The following ANKAR variants were observed in gnomAD, a reference collection of about 807,000 sequenced individuals.
ANKAR encodes the protein ankyrin and armadillo repeat containing.
ANKAR carries 136 observed loss-of-function variants against 146.2 expected under a neutral mutation model. That is an observed-to-expected ratio of 0.93 (90% CI 0.81 to 1.07). The LOEUF (loss-of-function observed/expected upper bound fraction) is 1.07. ANKAR is among the 50% of genes least tolerant of loss of function. The pLI is 0.00. For synonymous variants in ANKAR, 500 were observed against 575.8 expected, an observed-to-expected ratio of 0.87 and a Z score of 1.88; for missense variants, 1,567 against 1,679.9, an observed-to-expected ratio of 0.93 and a Z score of 1.18.
intron 18 of ANKAR, chr2:189,752,572 A>T (rs1354967137): frequency 7.4e-7 from 1 of 1,350,566 alleles, no homozygotes; most frequent in Non-Finnish European, 1.0e-6. Flanking sequence ...ATGTCAATGA[A>T]AACCTCATAT....
chr2:189,762,727 T>C (rs768853746), downstream of ANKAR: 19 of 985,328 alleles, frequency 1.9e-5, no homozygotes, highest in East Asian at 3.4e-4. Flanking sequence ...CTCCTTTCCC[T>C]ACTAAAGACT....
At chr2:189,694,286 C>G (rs1428205629) in intron 5 of ANKAR, among the ~76,000 whole-genome samples, 3 of 152,182 alleles carry the variant, frequency 2.0e-5, no homozygotes, top group Non-Finnish European at 4.4e-5. Context: ...AGGAGAAACC[C>G]AGGTAATATT....
chr2:189,754,620 T>C, intron 18 of ANKAR: 1 of 395,174 alleles, frequency 2.5e-6, no homozygotes, highest in Non-Finnish European at 4.5e-6. Context: ...CAATAACTGC[T>C]TAATGATGAA....
intron 14 of ANKAR, 51 bp from the exon 15 acceptor site, chr2:189,728,609 G>A (rs1213623170): frequency 6.3e-7 from 1 of 1,587,578 alleles, no homozygotes; most frequent in Non-Finnish European, 8.6e-7. Flanking sequence ...TCTGCATAAT[G>A]TAGAACAGGG....
At position 189,707,154 on chromosome 2, in the gene ANKAR, T is replaced by C. The variant is rs1358465597; in HGVS notation, c.2119+8T>C. The C allele has an allele frequency of 2.8e-6, 4 of 1,427,242 alleles. No individual in the cohort carries two copies. In the South Asian group the frequency reaches 5.8e-5, roughly 21 times the overall value. 88.4% of individuals were successfully genotyped at this position (1,427,242 alleles called of 1,614,324 possible). A position where few individuals can be genotyped will look rare whatever the true frequency, so the allele number is the denominator to read the frequency against. Reference sequence around the variant, plus strand: ...TGTGGAAAACTTTGGTAGGTGAGTATAATCTCTTTATAAATACATGTTCTG... The same window carrying C: ...TGTGGAAAACTTTGGTAGGTGAGTACAATCTCTTTATAAATACATGTTCTG... On this transcript the variant is annotated splice_region_variant and intron_variant, in intron 9 of 22. Transcript: ENST00000684021.
intron 3 of ANKAR, among the ~76,000 whole-genome samples, 188 bp from the exon 4 acceptor site, chr2:189,692,067 T>C (rs1335459839): frequency 6.6e-6 from 1 of 152,150 alleles, no homozygotes; most frequent in Non-Finnish European, 1.5e-5. Flanking sequence ...TGCTCAAAAA[T>C]ATATTTTAAT....
At chr2:189,705,821 G>A (rs1391195915) in intron 8 of ANKAR, among the ~76,000 whole-genome samples, 2 of 152,048 alleles carry the variant, frequency 1.3e-5, no homozygotes, top group Non-Finnish European at 2.9e-5. Context: ...TAGGGTAAAG[G>A]TGTAACTTCT....
intron 11 of ANKAR, 46 bp from the exon 12 acceptor site, chr2:189,720,572 AT>A: frequency 8.0e-7 from 1 of 1,255,128 alleles, no homozygotes; most frequent in Non-Finnish European, 1.0e-6. Context: ...TAAAGATTAC[AT>A]TTATCTTAAA....
intron 12 of ANKAR, among the ~76,000 whole-genome samples, chr2:189,723,170 T>C (rs1443076029): frequency 6.6e-6 from 1 of 152,184 alleles, no homozygotes. Flanking sequence ...AGATTTCATG[T>C]ATTAAAATGG....
At chr2:189,752,949 A>T in intron 18 of ANKAR, 2 of 1,612,976 alleles carry the variant, frequency 1.2e-6, no homozygotes, top group Non-Finnish European at 1.7e-6. Flanking sequence ...CTGCGGATAT[A>T]GAAGTTACTT....
chr2:189,691,728 T>A (rs887497286), intron 3 of ANKAR, among the ~76,000 whole-genome samples: 3 of 147,528 alleles, frequency 2.0e-5, no homozygotes, highest in Admixed American at 6.8e-5. Context: ...ATATATATAA[T>A]ATATAAACAG....
chr2:189,714,335 C>T (rs181451350), intron 10 of ANKAR, among the ~76,000 whole-genome samples: 1 of 152,120 alleles, frequency 6.6e-6, no homozygotes, highest in South Asian at 2.1e-4. Context: ...ATCACACTTA[C>T]TCCAAACCTG....
chr2:189,720,819 G>T lies in ANKAR; in HGVS notation c.2635+32G>T. ...TTCTATCTCTGTATTATTTTATAATGACCAGATATATTAAGTGAAGCAAAC... is the reference window on the plus strand; with the variant it reads ...TTCTATCTCTGTATTATTTTATAATTACCAGATATATTAAGTGAAGCAAAC... On this transcript the variant is annotated intron_variant, in intron 12 of 22. Coordinates refer to ENST00000684021, the MANE Select transcript of ANKAR (RefSeq NM_001378068.1). 3 of 1,415,766 alleles carry T rather than the reference G, an allele frequency of 2.1e-6. No homozygotes were observed. In the South Asian group the frequency reaches 5.5e-5, roughly 26 times the overall value. The allele number at this position is 1,415,766 out of a possible 1,614,324, so 87.7% of individuals were successfully genotyped here.
chr2:189,712,056 C>T (rs1470619412), intron 10 of ANKAR, among the ~76,000 whole-genome samples: 5 of 152,220 alleles, frequency 3.3e-5, no homozygotes, highest in African/African-American at 9.6e-5. Context: ...GCATTCGCCA[C>T]TGCTGAGGCT....
In ANKAR at chr2:189,744,923, C is replaced by T. The variant is rs551608062; in HGVS notation, c.4057+135C>T. 1.1e-4 allele frequency: 64 copies of T among 602,208 alleles called. No homozygotes were observed. The African/African-American group carries it at 1.1e-3, about 10-fold the overall frequency. 37.3% of individuals were successfully genotyped at this position (602,208 alleles called of 1,614,324 possible). A position where few individuals can be genotyped will look rare whatever the true frequency, so the allele number is the denominator to read the frequency against. On this transcript the variant is annotated intron_variant, in intron 22 of 22. Transcript: ENST00000684021. Reference sequence around the variant, plus strand: ...CTGTAATCCCAGCACTTTGGGAGGCCGAGGTGGGCAGATCACTTGAGGTCA... The same window carrying T: ...CTGTAATCCCAGCACTTTGGGAGGCTGAGGTGGGCAGATCACTTGAGGTCA...
At chr2:189,691,076 G>GGC (rs1040496470) in intron 3 of ANKAR, among the ~76,000 whole-genome samples, 3 of 151,922 alleles carry the variant, frequency 2.0e-5, no homozygotes, top group Non-Finnish European at 4.4e-5. Flanking sequence ...TTTTTTTTGA[G>GGC]GCAGAGTCTT....
intron 12 of ANKAR, 53 bp from the exon 13 acceptor site, chr2:189,727,803 A>C: frequency 6.3e-7 from 1 of 1,579,842 alleles, no homozygotes; most frequent in South Asian, 1.1e-5. Flanking sequence ...CTGCACTTTG[A>C]TATTCTTATT....
At chr2:189,762,866 A>T (rs1050007915), downstream of ANKAR, 4 of 985,328 alleles carry the variant, frequency 4.1e-6, no homozygotes, top group African/African-American at 7.0e-5. Context: ...TTAGTGAAGA[A>T]AAGCTTAAAG....
At chr2:189,738,745 A>C (rs2043070823) in intron 19 of ANKAR, 63 bp downstream of exon 19, 1 of 990,588 alleles carries the variant, frequency 1.0e-6, no homozygotes, top group African/African-American at 1.6e-5. Context: ...AGTTTATTGT[A>C]ATCTGAATAA....
Sources: allele counts gnomAD v4.1 joint callset (sites outside exome capture counted in the v4.1 genomes callset), GRCh38; gene constraint gnomAD v4.1.1; transcripts MANE v1.5; gene names NCBI Gene and HGNC (gene_info 2026-07-23, HGNC 2026-07-21).